The following DLGAP1 variants were observed in gnomAD, a reference collection of about 807,000 sequenced individuals.
DLGAP1 encodes DLG associated protein 1.
In DLGAP1, 11 loss-of-function variants were observed where a neutral mutation model predicts 90.8. The observed-to-expected ratio is 0.12, with a 90% CI of 0.08 to 0.20. The LOEUF is 0.20. DLGAP1 is among the 10% of genes least tolerant of loss of function. DLGAP1 has a pLI of 1.00. For synonymous variants in DLGAP1, 558 were observed against 540.7 expected, an observed-to-expected ratio of 1.03 and a Z score of -0.44; for missense variants, 1,050 against 1,333.8, an observed-to-expected ratio of 0.79 and a Z score of 3.31.
At chr18:3,878,827 C>T (rs2071069789) in intron 4 of DLGAP1, among the ~76,000 whole-genome samples, 1 of 152,178 alleles carries the variant, frequency 6.6e-6, no homozygotes, top group South Asian at 2.1e-4. Flanking sequence ...CCTATGATCC[C>T]TCAGACAAAA....
intron 2 of DLGAP1, among the ~76,000 whole-genome samples, chr18:4,062,046 G>A (rs1049804734): frequency 2.6e-5 from 4 of 152,122 alleles, no homozygotes; most frequent in Admixed American, 2.6e-4. Flanking sequence ...CAAGAATTAA[G>A]TAGCCAAAGT....
At chr18:3,881,402 C>G (rs917484214) in intron 3 of DLGAP1, among the ~76,000 whole-genome samples, 1 of 152,162 alleles carries the variant, frequency 6.6e-6, no homozygotes, top group Non-Finnish European at 1.5e-5. Flanking sequence ...TCTGCTGGCT[C>G]TCCTAGCAGA....
intron 1 of DLGAP1, among the ~76,000 whole-genome samples, chr18:4,435,263 T>C (rs1022905937): frequency 1.3e-5 from 2 of 152,140 alleles, no homozygotes; most frequent in Middle Eastern, 3.2e-3. Flanking sequence ...GGTAGGCAGT[T>C]AGTCAGTAAA....
At chr18:3,888,536 C>T (rs2071380430) in intron 3 of DLGAP1, among the ~76,000 whole-genome samples, 1 of 147,348 alleles carries the variant, frequency 6.8e-6, no homozygotes, top group Non-Finnish European at 1.5e-5. Flanking sequence ...ATTTCCTTTT[C>T]AAAAGATATG....
rs1451020500 is a variant in DLGAP1, at chr18:3,879,679, G to A, written c.390C>T (p.His130=). The change falls in exon 4 of 13, where the codon CAC becomes CAT. Residue 130 remains histidine, a synonymous_variant. Coordinates refer to ENST00000315677, the MANE Select transcript of DLGAP1 (RefSeq NM_004746.4). This position sits in a 1 kb window ranked among gnomAD's most constrained non-coding sequence, Gnocchi z 6.6. The part of the protein sequence containing the change: ...TLQYKRTAVE[H]RSDSPGRIRH... ...GGATGCGGCCGGGGCTGTCGCTGCG[G>A]TGCTCCACGGCCGTGCGCTTGTACT... 2.5e-6 allele frequency: 4 copies of A among 1,607,196 alleles called. No individual in the cohort carries two copies. Among genetic ancestry groups the A allele is most frequent in the Non-Finnish European group, 3.4e-6 (4 of 1,179,636 alleles).
At chr18:3,742,205 TG>T in intron 6 of DLGAP1, 129 bp downstream of exon 6, 1 of 1,169,430 alleles carries the variant, frequency 8.6e-7, no homozygotes, top group Non-Finnish European at 1.2e-6. Flanking sequence ...AGCACTTGAC[TG>T]GACCTCCTGT....
rs571280540 is a variant in DLGAP1 at position 3,710,533 on chromosome 18, G to A, written c.1591+18602C>T. On this transcript the variant is annotated intron_variant, in intron 7 of 12. Transcript: ENST00000315677. The stretch of plus-strand genomic sequence containing the variant: ...CAAGGACGGTGTCAATGACTGTGGA[G>A]AGGAAAGCACAGCCCTCTTTTACTT... Among the ~76,000 whole-genome samples the A allele has an allele frequency of 7.9e-5, 12 of 152,382 alleles. No individual in the cohort carries two copies. In the South Asian group the frequency reaches 2.5e-3, roughly 32 times the overall value.
chr18:3,845,112 A>T, intron 4 of DLGAP1: 2 of 1,274,132 alleles, frequency 1.6e-6, no homozygotes, highest in South Asian at 3.0e-5. Flanking sequence ...GTTCACAGAC[A>T]TCATGAAACA....
chr18:3,658,275 A>G (rs1418421397), intron 7 of DLGAP1, among the ~76,000 whole-genome samples: 2 of 152,214 alleles, frequency 1.3e-5, no homozygotes, highest in Non-Finnish European at 2.9e-5. Context: ...TGTTTTTGAT[A>G]TAATTTATCT....
At chr18:4,029,354 C>T (rs997052363) in intron 2 of DLGAP1, among the ~76,000 whole-genome samples, 2 of 152,066 alleles carry the variant, frequency 1.3e-5, no homozygotes, top group African/African-American at 4.8e-5. Flanking sequence ...ATTTCATTTC[C>T]TTTGAATATA....
chr18:3,656,525 T>C (rs1172507522), intron 7 of DLGAP1, among the ~76,000 whole-genome samples: 1 of 152,236 alleles, frequency 6.6e-6, no homozygotes, highest in Non-Finnish European at 1.5e-5. Flanking sequence ...GGACAGAGTT[T>C]CTGTTGAAAC....
intron 7 of DLGAP1, among the ~76,000 whole-genome samples, chr18:3,601,180 G>C (rs374613627): frequency 6.6e-6 from 1 of 151,610 alleles, no homozygotes; most frequent in South Asian, 2.1e-4. Flanking sequence ...TCCACTTCCC[G>C]GGCTAAAGCA....
Position 3,660,557 on chromosome 18 carries a change from A to C in DLGAP1, c.1591+68578T>G, listed in dbSNP as rs940322679. On this transcript the variant is annotated intron_variant, in intron 7 of 12. Transcript: ENST00000315677. This position sits in a 1 kb window ranked among gnomAD's most constrained non-coding sequence, Gnocchi z 4.2. ...AGTATCCTCAAGGAGGATCTTATCA[A>C]TCCCAGCAAATGTACTTCAAATACG... is the stretch of plus-strand genomic sequence containing the variant. Among the ~76,000 whole-genome samples, 56 of 152,240 alleles carry C rather than the reference A, an allele frequency of 3.7e-4. No homozygotes were observed. Among genetic ancestry groups the C allele is most frequent in the Non-Finnish European group, 1.5e-5 (1 of 68,046 alleles).
intron 1 of DLGAP1, among the ~76,000 whole-genome samples, chr18:4,415,428 A>T (rs773987846): frequency 6.6e-6 from 1 of 152,156 alleles, no homozygotes; most frequent in Non-Finnish European, 1.5e-5. Context: ...TAAAATAAAC[A>T]TTCAAAAAAT....
intron 1 of DLGAP1, among the ~76,000 whole-genome samples, chr18:4,193,064 G>C (rs945271526): frequency 3.3e-5 from 5 of 152,186 alleles, no homozygotes; most frequent in African/African-American, 1.2e-4. Context: ...CATTTGCGCA[G>C]GCTACTGCCT....
At chr18:3,847,404 A>G (rs2069079500) in intron 4 of DLGAP1, among the ~76,000 whole-genome samples, 1 of 152,146 alleles carries the variant, frequency 6.6e-6, no homozygotes. Flanking sequence ...GTGTTTTATC[A>G]TGGCTAATTT....
intron 7 of DLGAP1, among the ~76,000 whole-genome samples, chr18:3,608,900 G>A (rs75124136): frequency 8.5e-5 from 13 of 152,284 alleles, no homozygotes; most frequent in East Asian, 3.9e-4. Context: ...TGTAGTGCAC[G>A]ATCTCAGCTC....
intron 3 of DLGAP1, among the ~76,000 whole-genome samples, chr18:3,880,507 G>T (rs186884403): frequency 6.6e-6 from 1 of 152,058 alleles, no homozygotes; most frequent in African/African-American, 2.4e-5. Flanking sequence ...TGCCATCTGC[G>T]ACCGTGTTTT....
At chr18:4,424,969 C>A (rs1172912533) in intron 1 of DLGAP1, among the ~76,000 whole-genome samples, 1 of 149,930 alleles carries the variant, frequency 6.7e-6, no homozygotes, top group Non-Finnish European at 1.5e-5. Flanking sequence ...TTCCACCTAT[C>A]CATTTACTCC....
Sources: gnomAD v4.1 joint callset for allele counts (sites outside exome capture counted in the v4.1 genomes callset) on GRCh38, gnomAD v4.1.1 for gene constraint, Gnocchi (gnomAD v3.1) non-coding constraint, MANE v1.5 for transcripts, NCBI Gene and HGNC (gene_info 2026-07-23, HGNC 2026-07-21) for gene names.